Variants in NSMCE2 observed in about 807,000 individuals in gnomAD.
NSMCE2 encodes the protein NSE2 SUMO ligase component of SMC5/6 complex.
Under a neutral mutation model 23.8 loss-of-function variants are expected in NSMCE2, and 24 were observed. That is an observed-to-expected ratio of 1.01 (90% confidence interval 0.73 to 1.42). The LOEUF (loss-of-function observed/expected upper bound fraction) is 1.42. Ranked by LOEUF, NSMCE2 falls within the 40% of genes most tolerant of loss-of-function variation. The pLI is 0.00. For missense variants in NSMCE2, 284 were observed against 296.5 expected (o/e 0.96, Z 0.31); for synonymous variants, 92 against 94.1 (o/e 0.98, Z 0.13).
At chr8:125,286,177 G>A (rs996954317) in intron 5 of NSMCE2, among the ~76,000 whole-genome samples, 2 of 152,032 alleles carry the variant, frequency 1.3e-5, no homozygotes, top group African/African-American at 4.8e-5. Context: ...GAAAGCCAAA[G>A]GTTTTTACTT....
At chr8:125,340,012 G>GGT (rs1554640774) in intron 5 of NSMCE2, among the ~76,000 whole-genome samples, 3 of 102,856 alleles carry the variant, frequency 2.9e-5, no homozygotes, top group East Asian at 3.0e-4. Context: ...GTTTTTTTTT[G>GGT]TTTTTTTTTT....
intron 1 of NSMCE2, among the ~76,000 whole-genome samples, chr8:125,100,689 T>C (rs748762825): frequency 2.6e-5 from 4 of 152,112 alleles, no homozygotes; most frequent in African/African-American, 4.8e-5. Context: ...GCTTCCCGAG[T>C]AGCTGGGATT....
intron 5 of NSMCE2, among the ~76,000 whole-genome samples, chr8:125,352,297 G>A (rs988703827): frequency 6.6e-6 from 1 of 152,026 alleles, no homozygotes; most frequent in Admixed American, 6.6e-5. Context: ...GACCAACATG[G>A]AGAAACCCCG....
intron 5 of NSMCE2, among the ~76,000 whole-genome samples, chr8:125,188,923 T>C (rs1823226860): frequency 6.6e-6 from 1 of 152,146 alleles, no homozygotes; most frequent in South Asian, 2.1e-4. Context: ...TGGAAAGGTA[T>C]GTGTGAGTTT....
intron 4 of NSMCE2, among the ~76,000 whole-genome samples, chr8:125,161,791 C>CA (rs34724865): frequency 0.46 from 55,443 of 120,574 alleles, 12,479 homozygotes; most frequent in African/African-American, 0.67. Context: ...GACAATGTCT[C>CA]AAAAAAAAAA....
At chr8:125,357,673 A>T in intron 6 of NSMCE2, 39 bp from the exon 7 acceptor site, 1 of 1,458,062 alleles carries the variant, frequency 6.9e-7, no homozygotes, top group Non-Finnish European at 9.6e-7. Context: ...GAAGTTGATC[A>T]TTATCATTCC....
intron 5 of NSMCE2, among the ~76,000 whole-genome samples, chr8:125,344,794 T>G (rs893065620): frequency 9.2e-5 from 14 of 152,052 alleles, no homozygotes; most frequent in African/African-American, 3.4e-4. Context: ...CATTTTAATT[T>G]CAGTTTTTTC....
At chr8:125,159,520 G>T (rs997465148) in intron 4 of NSMCE2, among the ~76,000 whole-genome samples, 2 of 152,132 alleles carry the variant, frequency 1.3e-5, no homozygotes, top group African/African-American at 4.8e-5. Flanking sequence ...AGTGTAGTAG[G>T]CTATTCCATC....
chr8:125,179,094 G>C (rs1822649389), intron 4 of NSMCE2, among the ~76,000 whole-genome samples: 1 of 152,082 alleles, frequency 6.6e-6, no homozygotes, highest in Non-Finnish European at 1.5e-5. Flanking sequence ...CTAATCTGTG[G>C]TACTTTGTTA....
At chr8:125,334,772 CTTTTTTTTTTTTTTT>C (rs34213706) in intron 5 of NSMCE2, among the ~76,000 whole-genome samples, 1 of 55,870 alleles carries the variant, frequency 1.8e-5, no homozygotes, top group Admixed American at 3.1e-4. Flanking sequence ...AGTATCTTTT[CTTTTTTTTTTTTTTT>C]TTTTTTTTTT....
intron 5 of NSMCE2, among the ~76,000 whole-genome samples, chr8:125,301,297 G>A (rs779357446): frequency 6.6e-6 from 1 of 152,132 alleles, no homozygotes; most frequent in Non-Finnish European, 1.5e-5. Context: ...AGCAAACAGC[G>A]TCCCAAGTAG....
intron 5 of NSMCE2, among the ~76,000 whole-genome samples, chr8:125,275,917 G>A (rs1411167404): frequency 6.6e-6 from 1 of 152,192 alleles, no homozygotes. Flanking sequence ...ACTCTGTTAT[G>A]TCTTTAGCCC....
intron 5 of NSMCE2, among the ~76,000 whole-genome samples, chr8:125,195,208 T>TA (rs1354844358): frequency 6.6e-6 from 1 of 151,824 alleles, no homozygotes; most frequent in Admixed American, 6.6e-5. Flanking sequence ...CTGTGAACAT[T>TA]AAAAAAAGAA....
chr8:125,278,088 G>C (rs1160162920), intron 5 of NSMCE2, among the ~76,000 whole-genome samples: 4 of 152,166 alleles, frequency 2.6e-5, no homozygotes, highest in African/African-American at 9.7e-5. Flanking sequence ...CATAGCCCGT[G>C]AAATATTTGC....
chr8:125,093,253 T>C (rs1303355477), intron 1 of NSMCE2, among the ~76,000 whole-genome samples: 3 of 152,204 alleles, frequency 2.0e-5, no homozygotes, highest in Non-Finnish European at 4.4e-5. Flanking sequence ...ACTAATCTTA[T>C]TCATGAAAGT....
At chr8:125,159,111 G>A (rs1821469524) in intron 4 of NSMCE2, among the ~76,000 whole-genome samples, 4 of 152,178 alleles carry the variant, frequency 2.6e-5, no homozygotes, top group Admixed American at 2.6e-4. Context: ...GAGGAAGGGT[G>A]AGTACAGTAC....
chr8:125,316,603 TCTTTC>T (rs1829190986), intron 5 of NSMCE2, among the ~76,000 whole-genome samples: 1 of 142,302 alleles, frequency 7.0e-6, no homozygotes, highest in Non-Finnish European at 1.6e-5. Context: ...TTTCTTTCCT[TCTTTC>T]CTTTCTTTAT....
intron 5 of NSMCE2, among the ~76,000 whole-genome samples, chr8:125,274,826 A>T (rs996630046): frequency 6.6e-6 from 1 of 151,082 alleles, no homozygotes; most frequent in South Asian, 2.1e-4. Flanking sequence ...GCTACTTGGG[A>T]GGCTGAGGCA....
intron 5 of NSMCE2, among the ~76,000 whole-genome samples, chr8:125,234,838 T>A (rs1238239071): frequency 6.6e-6 from 1 of 152,108 alleles, no homozygotes; most frequent in Non-Finnish European, 1.5e-5. Context: ...TTCCCAAAGG[T>A]CTACTCAAAA....
Sources: allele counts gnomAD v4.1 joint callset (sites outside exome capture counted in the v4.1 genomes callset), GRCh38; gene constraint gnomAD v4.1.1; transcripts MANE v1.5; gene names NCBI Gene and HGNC (gene_info 2026-07-23, HGNC 2026-07-21).